The following KIAA1614 variants were observed in gnomAD, a reference collection of about 807,000 sequenced individuals.
KIAA1614 encodes uncharacterized protein KIAA1614.
Under a neutral mutation model 88.7 loss-of-function variants are expected in KIAA1614, and 76 were observed. That is an observed-to-expected ratio of 0.86 (90% CI 0.71 to 1.04). The LOEUF (loss-of-function observed/expected upper bound fraction) is 1.04. Among genes scored for constraint, KIAA1614 ranks in the 50% least tolerant of loss-of-function variants. The pLI is 0.00. For synonymous variants in KIAA1614, 714 were observed against 675.5 expected, an observed-to-expected ratio of 1.06 and a Z score of -0.88; for missense variants, 1,553 against 1,582.5, an observed-to-expected ratio of 0.98 and a Z score of 0.32.
Position 180,916,454 on chromosome 1 carries a change from A to T in KIAA1614, c.351A>T (p.Gln117His). The T allele has an allele frequency of 6.2e-7, 1 of 1,614,140 alleles. No individual in the cohort carries two copies. The highest frequency in any genetic ancestry group is 8.5e-7 in the Non-Finnish European group (1 of 1,180,012). Reference protein sequence around the residue: ...SQEWSSPKKPQCRRGKAGRAG... With the variant: ...SQEWSSPKKPHCRRGKAGRAG... ...AGTGGTCATCCCCCAAGAAACCCCA[A>T]TGCAGACGAGGCAAGGCAGGGAGAG... Residue 117 changes from glutamine (Q) to histidine (H), a missense_variant, in exon 2 of 9, where the codon CAA (glutamine) becomes CAT (histidine). Coordinates refer to ENST00000367588, the MANE Select transcript of KIAA1614 (RefSeq NM_020950.2).
rs74335891 is a variant in KIAA1614, at chr1:180,918,339, G to A, written c.1061+425G>A. Among the ~76,000 whole-genome samples the A allele has an allele frequency of 2.7e-3, 418 of 152,308 alleles. 4 individuals carry two copies. The highest frequency in any genetic ancestry group is 0.016 in the East Asian group (83 of 5,194). On this transcript the variant is annotated intron_variant, in intron 3 of 8. Transcript: ENST00000367588. ...AAGCCTTACCCCAATTCCGTTCCCA[G>A]TCAAGAGGTTGTGCTGGGATCATGT... is the stretch of plus-strand genomic sequence containing the variant.
chr1:180,922,094 C>T (rs537089871), intron 3 of KIAA1614, among the ~76,000 whole-genome samples: 18 of 152,368 alleles, frequency 1.2e-4, no homozygotes, highest in African/African-American at 3.4e-4. Context: ...TCGGCCTCCT[C>T]GGCCGTCTCC....
intron 8 of KIAA1614, chr1:180,945,049 C>G (rs1219543676): frequency 2.0e-6 from 1 of 503,330 alleles, no homozygotes; most frequent in Non-Finnish European, 3.4e-6. Context: ...CTGTACCCCC[C>G]AAAATTTGAA....
At chr1:180,922,984 C>T (rs1420980998) in intron 3 of KIAA1614, among the ~76,000 whole-genome samples, 3 of 152,188 alleles carry the variant, frequency 2.0e-5, no homozygotes, top group Non-Finnish European at 4.4e-5. Flanking sequence ...TTTTATAGGA[C>T]GGCTCACAGA....
In KIAA1614 at chr1:180,913,306, G is replaced by A. The variant is rs2102250435; in HGVS notation, c.50+13G>A. 8.0e-7 allele frequency: 1 copy of A among 1,245,826 alleles called. No homozygotes were observed. Among genetic ancestry groups the A allele is most frequent in the Non-Finnish European group, 1.0e-6 (1 of 988,462 alleles). The allele number at this position is 1,245,826 out of a possible 1,614,324, so 77.2% of individuals were successfully genotyped here. A position where few individuals can be genotyped will look rare whatever the true frequency, so the allele number is the denominator to read the frequency against. ...GCGGCAGCCCCCAGTGAGTATAGAG[G>A]AGGCAGCGCCGGGCCGGCCGGGCGG... On this transcript the variant is annotated intron_variant, in intron 1 of 8. Transcript: ENST00000367588.
At chr1:180,943,695 C>T (rs1654523223) in intron 7 of KIAA1614, among the ~76,000 whole-genome samples, 1 of 151,200 alleles carries the variant, frequency 6.6e-6, no homozygotes, top group African/African-American at 2.4e-5. Flanking sequence ...TTACAGGCAC[C>T]CGCCACCATG....
At position 180,917,890 on chromosome 1, in the gene KIAA1614, C is replaced by G. The variant is rs1309807646; in HGVS notation, c.1037C>G (p.Ser346Cys). 1.2e-6 allele frequency: 2 copies of G among 1,613,978 alleles called. No homozygotes were observed. Among genetic ancestry groups the G allele is most frequent in the Admixed American group, 1.7e-5 (1 of 60,016 alleles). The change falls in exon 3 of 9, where the codon TCC becomes TGC. Residue 346 changes from serine to cysteine, a missense_variant. Transcript: ENST00000367588. ...GATGTGGACTGGGCCTCGGGCACCT[C>G]CTTGCAGGACTCCGGCCAGAACAGG... Reference protein sequence around the residue: ...VGDVDWASGTSLQDSGQNRTV... With the variant: ...VGDVDWASGTCLQDSGQNRTV...
chr1:180,935,193 C>T lies in KIAA1614; in HGVS notation c.1284C>T (p.Ser428=). ...ACAGCCTCCAGAACGGGCACACGAG[C>T]GATTCCTCCAGCGGAGAGTCCAGCG... is the stretch of plus-strand genomic sequence containing the variant. ...CRDSLQNGHT[S]DSSSGESSGG... Residue 428 remains serine (S), a synonymous_variant, in exon 5 of 9, where the codon AGC becomes AGT. Transcript: ENST00000367588. The surrounding 1 kb of genome is among the most constrained non-coding windows in gnomAD (Gnocchi z 6.1). 1 of 1,486,190 alleles carries T rather than the reference C, an allele frequency of 6.7e-7. No individual in the cohort carries two copies. Among genetic ancestry groups the T allele is most frequent in the South Asian group, 1.4e-5 (1 of 72,270 alleles). The allele number at this position is 1,486,190 out of a possible 1,614,324, so 92.1% of individuals were successfully genotyped here.
chr1:180,913,883 CAT>C (rs1404470894), intron 1 of KIAA1614: 7 of 152,162 alleles, frequency 4.6e-5, no homozygotes, highest in African/African-American at 1.7e-4. Flanking sequence ...TAGATTAACT[CAT>C]AGAACAAATT....
chr1:180,935,169 C>A lies in KIAA1614; in HGVS notation c.1260C>A (p.Asp420Glu). 1 of 1,465,004 alleles carries A rather than the reference C, an allele frequency of 6.8e-7. No individual in the cohort carries two copies. Among genetic ancestry groups the A allele is most frequent in the Non-Finnish European group, 9.0e-7 (1 of 1,108,266 alleles). The allele number at this position is 1,465,004 out of a possible 1,614,324, so 90.8% of individuals were successfully genotyped here. A position where few individuals can be genotyped will look rare whatever the true frequency, so the allele number is the denominator to read the frequency against. ...CCAGGACGACCCCTGCCTGCAGAGA[C>A]AGCCTCCAGAACGGGCACACGAGCG... ...RDPRTTPACRDSLQNGHTSDS... is the reference protein window; with the variant it reads ...RDPRTTPACRESLQNGHTSDS... Residue 420 changes from aspartate (D) to glutamate (E), a missense_variant, in exon 5 of 9, where the codon GAC (aspartate) becomes GAA (glutamate). Transcript: ENST00000367588. This position sits in a 1 kb window ranked among gnomAD's most constrained non-coding sequence, Gnocchi z 6.1.
chr1:180,922,447 G>A (rs944398568), intron 3 of KIAA1614, among the ~76,000 whole-genome samples: 6 of 152,060 alleles, frequency 3.9e-5, no homozygotes, highest in East Asian at 1.9e-4. Flanking sequence ...AGGGGAGGGC[G>A]GGTCCCGATC....
chr1:180,917,707 C>T, intron 2 of KIAA1614, 144 bp from the exon 3 acceptor site: 1 of 693,148 alleles, frequency 1.4e-6, no homozygotes, highest in Admixed American at 2.2e-5. Context: ...ACAGGCTCAG[C>T]CTCCAATTTT....
intron 4 of KIAA1614, among the ~76,000 whole-genome samples, chr1:180,931,114 C>A (rs1163371201): frequency 1.3e-5 from 2 of 152,232 alleles, no homozygotes; most frequent in African/African-American, 2.4e-5. Flanking sequence ...GAAGAGGTAG[C>A]AGCAGCTGCA....
At chr1:180,924,906 A>ATAATAATAATAATAATAT (rs957497780) in intron 3 of KIAA1614, among the ~76,000 whole-genome samples, 5 of 150,120 alleles carry the variant, frequency 3.3e-5, no homozygotes, top group Admixed American at 2.7e-4. Flanking sequence ...AATAATAATA[A>ATAATAATAATAATAATAT]TAAATGCTAA....
intron 3 of KIAA1614, chr1:180,928,200 C>T (rs1654110339): frequency 4.5e-6 from 2 of 449,414 alleles, no homozygotes; most frequent in Non-Finnish European, 3.9e-6. Flanking sequence ...CAAGGCCGGG[C>T]CAGCTCCCCA....
chr1:180,938,854 G>A (rs1013039361), intron 6 of KIAA1614, 143 bp downstream of exon 6: 5 of 698,256 alleles, frequency 7.2e-6, no homozygotes, highest in Non-Finnish European at 1.2e-5. Context: ...GAACAAGCCT[G>A]GCAGCCCTCC....
In KIAA1614 at chr1:180,928,448, G is replaced by A. The variant is rs374620585; in HGVS notation, c.1080G>A (p.Pro360=). Residue 360 remains proline (P), a synonymous_variant, in exon 4 of 9, where the codon CCG becomes CCA. Coordinates refer to ENST00000367588, the MANE Select transcript of KIAA1614 (RefSeq NM_020950.2). ...SGQNRTVGPN[P]EPVLSPRHEE... Reference sequence around the variant, plus strand: ...GCTGCAGGACCGTTGGTCCCAACCCGGAGCCTGTGCTGAGCCCCAGGCATG... The same window carrying A: ...GCTGCAGGACCGTTGGTCCCAACCCAGAGCCTGTGCTGAGCCCCAGGCATG... 1.2e-4 allele frequency: 189 copies of A among 1,612,720 alleles called. 1 individual carries two copies. The highest frequency in any genetic ancestry group is 8.0e-4 in the East Asian group (36 of 44,820).
Position 180,941,291 on chromosome 1 carries a change from T to G in KIAA1614, c.3159+6T>G. On this transcript the variant is annotated splice_donor_region_variant and intron_variant, in intron 7 of 8. Coordinates refer to ENST00000367588, the MANE Select transcript of KIAA1614 (RefSeq NM_020950.2). ...CGTTACAATCCCTGCACCCGGTGAG[T>G]CCAGGGGCCCCAGCCCAGGGAGTGA... is the stretch of plus-strand genomic sequence containing the variant. 1 of 1,598,240 alleles carries G rather than the reference T, an allele frequency of 6.3e-7. No individual in the cohort carries two copies. Among genetic ancestry groups the G allele is most frequent in the African/African-American group, 1.3e-5 (1 of 74,560 alleles).
At chr1:180,915,845 A>G (rs1653781421) in intron 1 of KIAA1614, among the ~76,000 whole-genome samples, 1 of 152,180 alleles carries the variant, frequency 6.6e-6, no homozygotes, top group African/African-American at 2.4e-5. Flanking sequence ...TGAACTGCGC[A>G]TGTGAGGGAG....
Sources: gnomAD v4.1 joint callset for allele counts (sites outside exome capture counted in the v4.1 genomes callset) on GRCh38, gnomAD v4.1.1 for gene constraint, Gnocchi (gnomAD v3.1) non-coding constraint, MANE v1.5 for transcripts, NCBI Gene and HGNC (gene_info 2026-07-23, HGNC 2026-07-21) for gene names.